RNLS: variants seen among roughly 807,000 people sequenced by gnomAD.
The protein encoded by RNLS is renalase, FAD dependent amine oxidase.
Under a neutral mutation model 39.8 loss-of-function variants are expected in RNLS, and 39 were observed. The ratio of observed to expected loss-of-function variants is 0.98; its 90% CI spans 0.76 to 1.28. The LOEUF (loss-of-function observed/expected upper bound fraction) is 1.28, where lower values mean the gene tolerates loss of function less well. Among genes scored for constraint, RNLS ranks in the 50% most tolerant of loss-of-function variants. RNLS has a pLI of 0.00. For missense variants in RNLS, 410 were observed against 413.3 expected (o/e 0.99, Z 0.07); for synonymous variants, 147 against 150.7 (o/e 0.98, Z 0.18).
chr10:88,260,061 A>G, the RNLS span, among the ~76,000 whole-genome samples: 1 of 152,150 alleles, frequency 6.6e-6, no homozygotes, highest in Non-Finnish European at 1.5e-5. Context: ...TTTAAGGAAA[A>G]AAAGAATTTG....
chr10:88,403,765 G>A (rs147142519), intron 4 of RNLS, among the ~76,000 whole-genome samples: 2 of 151,798 alleles, frequency 1.3e-5, no homozygotes, highest in East Asian at 3.9e-4. Flanking sequence ...GCTGTGCCTG[G>A]GGGCTTCACC....
At chr10:88,278,378 C>G (rs2132597001) in intron 6 of RNLS, among the ~76,000 whole-genome samples, 1 of 152,282 alleles carries the variant, frequency 6.6e-6, no homozygotes, top group South Asian at 2.1e-4. Context: ...AGGTTGGCAA[C>G]TGTCTTGCAG....
intron 4 of RNLS, among the ~76,000 whole-genome samples, chr10:88,517,700 C>T (rs1030694635): frequency 6.6e-6 from 1 of 151,826 alleles, no homozygotes; most frequent in African/African-American, 2.4e-5. Flanking sequence ...TTCGAAACTT[C>T]TCATAAACAC....
intron 5 of RNLS, among the ~76,000 whole-genome samples, chr10:88,328,319 C>T (rs1419304943): frequency 1.3e-5 from 2 of 152,158 alleles, no homozygotes; most frequent in Non-Finnish European, 2.9e-5. Context: ...AAGTATCTCT[C>T]CTGATGATGG....
At chr10:88,199,333 T>C in the RNLS span, among the ~76,000 whole-genome samples, 1 of 152,148 alleles carries the variant, frequency 6.6e-6, no homozygotes, top group Non-Finnish European at 1.5e-5. Flanking sequence ...TAACTCTACA[T>C]CAGATATTTG....
At chr10:88,190,698 C>T in the RNLS span, among the ~76,000 whole-genome samples, 1 of 152,154 alleles carries the variant, frequency 6.6e-6, no homozygotes, top group African/African-American at 2.4e-5. Context: ...ATTGGTTGGG[C>T]ATAGGTTCCT....
the RNLS span, among the ~76,000 whole-genome samples, chr10:88,173,982 T>G: frequency 0.59 from 89,169 of 150,978 alleles, 26,589 homozygotes; most frequent in South Asian, 0.73. Flanking sequence ...CAGAGAAATT[T>G]ATTCCTTGGT....
At chr10:88,520,833 T>C (rs1846680872) in intron 4 of RNLS, among the ~76,000 whole-genome samples, 1 of 152,150 alleles carries the variant, frequency 6.6e-6, no homozygotes, top group Non-Finnish European at 1.5e-5. Context: ...TAGTTTATAC[T>C]ACCTTAACAG....
intron 4 of RNLS, among the ~76,000 whole-genome samples, chr10:88,571,282 T>C (rs1412934208): frequency 1.3e-5 from 2 of 152,104 alleles, no homozygotes; most frequent in Non-Finnish European, 2.9e-5. Context: ...ACACCTGGCC[T>C]ATGTTAAGCA....
At chr10:88,414,166 G>T (rs1163820828) in intron 4 of RNLS, among the ~76,000 whole-genome samples, 1 of 151,504 alleles carries the variant, frequency 6.6e-6, no homozygotes, top group Non-Finnish European at 1.5e-5. Flanking sequence ...CTGTTAACTT[G>T]TCTTTAGAGA....
intron 4 of RNLS, among the ~76,000 whole-genome samples, chr10:88,368,381 G>C (rs996794619): frequency 6.6e-6 from 1 of 152,048 alleles, no homozygotes; most frequent in Admixed American, 6.6e-5. Context: ...CCAGGTCCCA[G>C]GACAGTGACT....
At chr10:88,248,868 T>C in the RNLS span, among the ~76,000 whole-genome samples, 7 of 152,218 alleles carry the variant, frequency 4.6e-5, no homozygotes, top group Non-Finnish European at 1.0e-4. Context: ...TACATTCCAA[T>C]TGTGGAGAGT....
chr10:88,363,883 G>A (rs953353617), intron 4 of RNLS, among the ~76,000 whole-genome samples: 6 of 151,988 alleles, frequency 3.9e-5, no homozygotes. Context: ...TCTGTTGTGA[G>A]GATTATATGA....
chr10:88,578,003 A>G (rs918537599), intron 3 of RNLS, among the ~76,000 whole-genome samples: 3 of 152,170 alleles, frequency 2.0e-5, no homozygotes, highest in African/African-American at 7.2e-5. Flanking sequence ...TTTTAAACTC[A>G]ACTAGATTCC....
intron 5 of RNLS, among the ~76,000 whole-genome samples, chr10:88,329,927 A>G (rs1199836605): frequency 6.6e-6 from 1 of 151,488 alleles, no homozygotes; most frequent in East Asian, 1.9e-4. Flanking sequence ...ATTTCTTCCA[A>G]CATATTCAAC....
intron 6 of RNLS, among the ~76,000 whole-genome samples, chr10:88,311,887 C>A (rs1845409581): frequency 6.6e-6 from 1 of 152,190 alleles, no homozygotes. Context: ...CAGAAACTGT[C>A]CCCACACAAA....
intron 4 of RNLS, among the ~76,000 whole-genome samples, chr10:88,552,871 C>T (rs1433161876): frequency 6.6e-6 from 1 of 152,118 alleles, no homozygotes; most frequent in African/African-American, 2.4e-5. Flanking sequence ...TTCTTTCATT[C>T]AAATAATACC....
the RNLS span, among the ~76,000 whole-genome samples, chr10:88,199,269 A>G: frequency 6.6e-6 from 1 of 152,152 alleles, no homozygotes; most frequent in Non-Finnish European, 1.5e-5. Context: ...AGAAGAGTTG[A>G]GAATCTGAAA....
rs768436136 is a variant in RNLS, at chr10:88,278,351, T to C, written c.877-3319A>G. 6.2e-4 allele frequency among the ~76,000 whole-genome samples: 94 copies of C among 152,316 alleles called. 1 individual carries two copies. Among genetic ancestry groups the C allele is most frequent in the Non-Finnish European group, 1.1e-3 (77 of 68,034 alleles). On this transcript the variant is annotated intron_variant, in intron 6 of 6. Transcript: ENST00000371947. ...ACATGGCTTATTGTAATGGTTAAAA[T>C]ATATGGTGCAAGTTTGAGGTTGGCA... is the stretch of plus-strand genomic sequence containing the variant.
Sources: gnomAD v4.1 joint callset for allele counts (sites outside exome capture counted in the v4.1 genomes callset) on GRCh38, gnomAD v4.1.1 for gene constraint, MANE v1.5 for transcripts, NCBI Gene and HGNC (gene_info 2026-07-23, HGNC 2026-07-21) for gene names.